The following ART3 variants were observed in gnomAD, a reference collection of about 807,000 sequenced individuals.
ART3 encodes ecto-ADP-ribosyltransferase 3.
In ART3, 49 loss-of-function variants were observed where a neutral mutation model predicts 48.5. The observed-to-expected ratio is 1.01, with a 90% confidence interval of 0.80 to 1.28. The LOEUF (loss-of-function observed/expected upper bound fraction) is 1.28. Ranked by LOEUF, ART3 falls within the 50% of genes most tolerant of loss-of-function variation. The pLI, the probability that ART3 is intolerant of heterozygous loss-of-function variation, is 0.00. For missense variants in ART3, 438 were observed against 454.3 expected (o/e 0.96, Z 0.33); for synonymous variants, 145 against 157.2 (o/e 0.92, Z 0.58).
At chr4:76,095,551 A>G (rs1161800577) in intron 3 of ART3, among the ~76,000 whole-genome samples, 1 of 152,188 alleles carries the variant, frequency 6.6e-6, no homozygotes, top group Non-Finnish European at 1.5e-5. Context: ...ATTCTTTTCT[A>G]TTCAGGAGGC....
At chr4:76,111,704 G>A (rs935171383) in intron 11 of ART3, among the ~76,000 whole-genome samples, 8 of 151,668 alleles carry the variant, frequency 5.3e-5, no homozygotes, top group South Asian at 2.1e-4. Flanking sequence ...CACCACGCCC[G>A]GCTAATTCTG....
intron 1 of ART3, among the ~76,000 whole-genome samples, chr4:76,020,194 A>G (rs2149367519): frequency 6.6e-6 from 1 of 151,364 alleles, no homozygotes; most frequent in Non-Finnish European, 1.5e-5. Flanking sequence ...TGGTGCAGTC[A>G]TAGCTCACTG....
At chr4:76,028,530 C>T (rs569012007) in intron 1 of ART3, among the ~76,000 whole-genome samples, 59 of 152,286 alleles carry the variant, frequency 3.9e-4, no homozygotes, top group African/African-American at 1.4e-3. Context: ...AATGCTTTCC[C>T]GGAAACTGTT....
intron 2 of ART3, 79 bp from the exon 3 acceptor site, chr4:76,081,745 G>A (rs1423353536): frequency 6.2e-6 from 9 of 1,443,702 alleles, no homozygotes; most frequent in Non-Finnish European, 8.5e-6. Context: ...GGATGAGAAG[G>A]TGGGGGTAAT....
chr4:76,042,192 G>T (rs984795154), intron 1 of ART3, among the ~76,000 whole-genome samples: 7 of 152,060 alleles, frequency 4.6e-5, no homozygotes, highest in Admixed American at 4.6e-4. Context: ...AATTAATGTA[G>T]AATTTTAAAA....
intron 4 of ART3, among the ~76,000 whole-genome samples, chr4:76,098,295 A>G (rs990223863): frequency 6.6e-5 from 10 of 152,212 alleles, no homozygotes; most frequent in African/African-American, 2.4e-4. Context: ...AGCATTATCA[A>G]AGAGGCCTAA....
chr4:76,098,604 C>G (rs1726550202), intron 4 of ART3, among the ~76,000 whole-genome samples: 1 of 151,434 alleles, frequency 6.6e-6, no homozygotes, highest in African/African-American at 2.4e-5. Context: ...ACTAAAAATA[C>G]AAAAATTAGC....
chr4:76,111,256 T>C (rs2109826306), intron 11 of ART3, among the ~76,000 whole-genome samples: 1 of 152,226 alleles, frequency 6.6e-6, no homozygotes, highest in South Asian at 2.1e-4. Flanking sequence ...TTTGGTGCAA[T>C]ACCAAAAACC....
At chr4:76,014,184 G>A (rs1031636905) in intron 1 of ART3, among the ~76,000 whole-genome samples, 3 of 152,172 alleles carry the variant, frequency 2.0e-5, no homozygotes, top group East Asian at 1.9e-4. Flanking sequence ...TTTCACAGAG[G>A]TAATTAAGTT....
chr4:76,079,085 A>AC (rs1026778255), intron 2 of ART3, among the ~76,000 whole-genome samples: 15 of 152,008 alleles, frequency 9.9e-5, no homozygotes, highest in African/African-American at 3.1e-4. Context: ...CGTCTAAAAA[A>AC]AAAAAAAAGG....
chr4:76,077,527 T>G (rs890296495), intron 2 of ART3, among the ~76,000 whole-genome samples: 2 of 152,200 alleles, frequency 1.3e-5, no homozygotes, highest in African/African-American at 2.4e-5. Flanking sequence ...TTTAAAAAAT[T>G]TTCTAATCAT....
At chr4:76,099,253 G>GCT in intron 5 of ART3, 1 of 425,930 alleles carries the variant, frequency 2.3e-6, no homozygotes, top group Non-Finnish European at 4.4e-6. Context: ...AGTGAGCCAA[G>GCT]ATTGCACCCA....
At chr4:76,031,319 C>A (rs916396985) in intron 1 of ART3, among the ~76,000 whole-genome samples, 1 of 151,840 alleles carries the variant, frequency 6.6e-6, no homozygotes, top group African/African-American at 2.4e-5. Context: ...AAGTGGTATA[C>A]AGAGTTTCTA....
In ART3 at chr4:76,038,568, G is replaced by A. The variant is rs1578270248; in HGVS notation, c.-10+27248G>A. 2.0e-5 allele frequency among the ~76,000 whole-genome samples: 3 copies of A among 152,100 alleles called. No individual in the cohort carries two copies. In the East Asian group the frequency reaches 5.8e-4, roughly 29 times the overall value. The stretch of plus-strand genomic sequence containing the variant: ...AAAGTAAAAGGAATGTGTTCTTGGA[G>A]CTCATAAATCCTTATCTGTTATTAT... On this transcript the variant is annotated intron_variant, in intron 1 of 9. Transcript: ENST00000341029.
intron 1 of ART3, chr4:76,021,978 GT>G: frequency 6.3e-7 from 1 of 1,591,366 alleles, no homozygotes; most frequent in Non-Finnish European, 8.6e-7. Context: ...ATATAAAAGT[GT>G]GATAGTCTGA....
chr4:76,052,251 T>G (rs1311153845), intron 1 of ART3, among the ~76,000 whole-genome samples: 1 of 152,154 alleles, frequency 6.6e-6, no homozygotes, highest in African/African-American at 2.4e-5. Flanking sequence ...AAAGGTTGTA[T>G]TCTGCTAATG....
At chr4:76,070,041 T>A (rs1405660869), upstream of ART3, among the ~76,000 whole-genome samples, 9 of 152,178 alleles carry the variant, frequency 5.9e-5, no homozygotes, top group African/African-American at 2.2e-4. Context: ...TGCTGAGTGT[T>A]ATTTCATTTG....
At chr4:76,069,831 A>G (rs958202076), upstream of ART3, among the ~76,000 whole-genome samples, 2 of 150,838 alleles carry the variant, frequency 1.3e-5, no homozygotes, top group African/African-American at 4.8e-5. Context: ...TTATATTTAT[A>G]TTATATTATA....
At chr4:76,040,535 C>CA (rs66574639) in intron 1 of ART3, among the ~76,000 whole-genome samples, 5 of 66,076 alleles carry the variant, frequency 7.6e-5, no homozygotes, top group South Asian at 4.4e-4. Flanking sequence ...CCCGCCCCCT[C>CA]CATGTGTCAG....
Sources: gnomAD v4.1 joint callset for allele counts (sites outside exome capture counted in the v4.1 genomes callset) on GRCh38, gnomAD v4.1.1 for gene constraint, MANE v1.5 for transcripts, NCBI Gene and HGNC (gene_info 2026-07-23, HGNC 2026-07-21) for gene names.